MAST4: variants seen among roughly 807,000 people sequenced by gnomAD.
The protein encoded by MAST4 is microtubule associated serine/threonine kinase family member 4.
Under a neutral mutation model 162.7 loss-of-function variants are expected in MAST4, and 89 were observed. That is an observed-to-expected ratio of 0.55 (90% CI 0.46 to 0.65). The LOEUF is 0.65. Among genes scored for constraint, MAST4 ranks in the 30% least tolerant of loss-of-function variants. The pLI is 0.00. For missense variants in MAST4, 3,153 were observed against 3,374.0 expected (o/e 0.93, Z 1.62); for synonymous variants, 1,479 against 1,361.1 (o/e 1.09, Z -1.91).
Position 67,081,058 on chromosome 5 carries a change from T to G in MAST4, c.764-9104T>G, listed in dbSNP as rs562466055. Among the ~76,000 whole-genome samples the G allele has an allele frequency of 3.0e-4, 35 of 117,096 alleles. 1 individual carries two copies. Among genetic ancestry groups the G allele is most frequent in the African/African-American group, 1.4e-3 (34 of 23,546 alleles). The allele number at this position is 117,096 out of a possible 152,430, so 76.8% of individuals were successfully genotyped here. On this transcript the variant is annotated intron_variant, in intron 5 of 28. Coordinates refer to ENST00000403625, the MANE Select transcript of MAST4 (RefSeq NM_001164664.2). ...ATATAATATATAATTGTATATATTA[T>G]ATAATATAATATATAATTGTATATA...
intron 26 of MAST4, among the ~76,000 whole-genome samples, chr5:67,159,992 C>A (rs538368705): frequency 6.6e-6 from 1 of 152,258 alleles, no homozygotes; most frequent in Admixed American, 6.5e-5. Flanking sequence ...AAAAATCAAC[C>A]AAGAGCAGCC....
At chr5:66,790,849 GA>G (rs1352625941) in intron 3 of MAST4, among the ~76,000 whole-genome samples, 2 of 152,072 alleles carry the variant, frequency 1.3e-5, no homozygotes, top group East Asian at 3.9e-4. Flanking sequence ...ACTTTTTAAG[GA>G]AAGAGGAAAA....
At chr5:66,860,923 A>G (rs1312830519) in intron 3 of MAST4, among the ~76,000 whole-genome samples, 1 of 152,158 alleles carries the variant, frequency 6.6e-6, no homozygotes, top group Non-Finnish European at 1.5e-5. Flanking sequence ...AAGCACTTTC[A>G]TGATGGAGTT....
chr5:66,716,788 G>T (rs78687359), intron 1 of MAST4, among the ~76,000 whole-genome samples: 1,830 of 152,278 alleles, frequency 0.012, 37 homozygotes, highest in African/African-American at 0.042. Context: ...TGTTTGTTGT[G>T]TTTTTTGGCT....
At chr5:66,962,707 C>T (rs772880675) in intron 4 of MAST4, among the ~76,000 whole-genome samples, 12 of 151,956 alleles carry the variant, frequency 7.9e-5, no homozygotes, top group Non-Finnish European at 1.6e-4. Flanking sequence ...TCAAAAAGAA[C>T]AACAACAACA....
intron 3 of MAST4, among the ~76,000 whole-genome samples, chr5:66,839,633 C>T (rs989786307): frequency 2.6e-5 from 4 of 151,944 alleles, no homozygotes; most frequent in Admixed American, 1.3e-4. Flanking sequence ...AACTTGCCTA[C>T]AAGTCTCATT....
intron 3 of MAST4, among the ~76,000 whole-genome samples, chr5:66,822,654 G>C (rs1757050695): frequency 1.3e-5 from 2 of 152,120 alleles, no homozygotes; most frequent in Admixed American, 1.3e-4. Flanking sequence ...TAAAGTAGCT[G>C]GGGCCCTGCT....
chr5:67,133,727 C>A, intron 17 of MAST4, 81 bp downstream of exon 17: 2 of 1,459,218 alleles, frequency 1.4e-6, no homozygotes, highest in South Asian at 1.2e-5. Context: ...CTTGTGTGGG[C>A]CATCTTCACA....
chr5:66,901,455 A>G (rs2149982137), intron 4 of MAST4, among the ~76,000 whole-genome samples: 1 of 152,218 alleles, frequency 6.6e-6, no homozygotes, highest in East Asian at 1.9e-4. Flanking sequence ...GCTGATAGCC[A>G]TGATTTGTTG....
chr5:66,784,420 A>T (rs1755017241), intron 2 of MAST4, among the ~76,000 whole-genome samples: 1 of 152,120 alleles, frequency 6.6e-6, no homozygotes, highest in Non-Finnish European at 1.5e-5. Context: ...TTTCTTATTA[A>T]ATTTGTTAAA....
intron 5 of MAST4, among the ~76,000 whole-genome samples, chr5:67,065,532 G>A (rs1000680549): frequency 2.0e-5 from 3 of 152,112 alleles, no homozygotes; most frequent in African/African-American, 7.2e-5. Flanking sequence ...TTAGTGTGAG[G>A]ATCAGCCAGC....
intron 1 of MAST4, among the ~76,000 whole-genome samples, chr5:66,714,580 G>A (rs933364979): frequency 3.9e-5 from 6 of 152,120 alleles, no homozygotes; most frequent in African/African-American, 7.2e-5. Context: ...CATACTTGGC[G>A]TTTCCTTCTG....
chr5:66,920,733 C>T (rs1299598979), intron 4 of MAST4, among the ~76,000 whole-genome samples: 4 of 152,066 alleles, frequency 2.6e-5, no homozygotes, highest in African/African-American at 7.2e-5. Context: ...TCAGGAGATC[C>T]GCCCACCTCA....
intron 7 of MAST4, among the ~76,000 whole-genome samples, chr5:67,098,023 T>C (rs1183325240): frequency 6.6e-6 from 1 of 152,176 alleles, no homozygotes; most frequent in Non-Finnish European, 1.5e-5. Flanking sequence ...TCTTAGATTC[T>C]TATTTCCCTG....
At chr5:66,936,273 A>G (rs1006839822) in intron 4 of MAST4, among the ~76,000 whole-genome samples, 5 of 152,240 alleles carry the variant, frequency 3.3e-5, no homozygotes, top group African/African-American at 7.2e-5. Context: ...TAATAGTTGC[A>G]TGATCTTGGA....
intron 1 of MAST4, among the ~76,000 whole-genome samples, chr5:66,733,621 A>G (rs976333956): frequency 6.6e-6 from 1 of 151,880 alleles, no homozygotes; most frequent in Admixed American, 6.6e-5. Flanking sequence ...CCACGCCCAG[A>G]TAAGTTTTTG....
chr5:66,629,202 C>T (rs1458533887), intron 1 of MAST4, among the ~76,000 whole-genome samples: 1 of 152,148 alleles, frequency 6.6e-6, no homozygotes, highest in Admixed American at 6.6e-5. Context: ...TACTGGAATC[C>T]GTTTAGATAA....
chr5:67,058,084 A>G (rs1053241714), intron 5 of MAST4, among the ~76,000 whole-genome samples: 1 of 152,006 alleles, frequency 6.6e-6, no homozygotes, highest in Non-Finnish European at 1.5e-5. Context: ...AATTTCTAAA[A>G]ATTACCCAGG....
chr5:66,856,792 G>A (rs776003844), intron 3 of MAST4, among the ~76,000 whole-genome samples: 9 of 152,188 alleles, frequency 5.9e-5, no homozygotes, highest in Non-Finnish European at 1.0e-4. Flanking sequence ...CTGTCCTCTT[G>A]TTTTAAATAT....
Sources: gnomAD v4.1 joint callset for allele counts (sites outside exome capture counted in the v4.1 genomes callset) on GRCh38, gnomAD v4.1.1 for gene constraint, MANE v1.5 for transcripts, NCBI Gene and HGNC (gene_info 2026-07-23, HGNC 2026-07-21) for gene names.